LIN52: variants seen among roughly 807,000 people sequenced by gnomAD.
LIN52 encodes the protein protein lin-52 homolog.
Under a neutral mutation model 18.5 loss-of-function variants are expected in LIN52, and 4 were observed. The ratio of observed to expected loss-of-function variants is 0.22; its 90% confidence interval spans 0.11 to 0.49. LIN52 has a LOEUF of 0.49. Ranked by LOEUF, LIN52 falls within the 20% of genes least tolerant of loss-of-function variation. LIN52 has a pLI of 0.97. For synonymous variants in LIN52, 34 were observed against 45.5 expected, an observed-to-expected ratio of 0.75 and a Z score of 1.02; for missense variants, 102 against 139.5, an observed-to-expected ratio of 0.73 and a Z score of 1.35.
chr14:74,166,065 A>G (rs2061248508), intron 5 of LIN52, among the ~76,000 whole-genome samples: 1 of 147,334 alleles, frequency 6.8e-6, no homozygotes, highest in African/African-American at 2.5e-5. Flanking sequence ...CTAATTTTGT[A>G]TTTTTACTGG....
intron 5 of LIN52, among the ~76,000 whole-genome samples, chr14:74,170,571 A>G (rs2061265823): frequency 6.6e-6 from 1 of 152,144 alleles, no homozygotes; most frequent in African/African-American, 2.4e-5. Flanking sequence ...AACTTTATAG[A>G]AGTTGCCTTG....
intron 5 of LIN52, among the ~76,000 whole-genome samples, chr14:74,168,057 G>A (rs1208399394): frequency 2.6e-5 from 4 of 152,214 alleles, no homozygotes; most frequent in African/African-American, 9.6e-5. Flanking sequence ...AAGAAGTACT[G>A]AGTTTCCTAT....
At chr14:74,130,923 AT>A (rs1276580739) in intron 5 of LIN52, among the ~76,000 whole-genome samples, 2 of 151,088 alleles carry the variant, frequency 1.3e-5, no homozygotes, top group Non-Finnish European at 3.0e-5. Flanking sequence ...ACAACCAAAA[AT>A]TTAAACATAA....
At chr14:74,186,961 C>T (rs1474043767) in intron 5 of LIN52, among the ~76,000 whole-genome samples, 1 of 152,134 alleles carries the variant, frequency 6.6e-6, no homozygotes, top group Non-Finnish European at 1.5e-5. Flanking sequence ...TGCCTTTAGT[C>T]TGAGCTACTC....
chr14:74,165,532 A>C (rs1337622095), intron 5 of LIN52, among the ~76,000 whole-genome samples: 1 of 44,344 alleles, frequency 2.3e-5, no homozygotes, highest in Non-Finnish European at 4.2e-5. Context: ...TTTTTTTGAG[A>C]CAGAGTCTCA....
In LIN52 at chr14:74,145,773, TTTTG is replaced by T. The variant is rs375051171; in HGVS notation, c.283+44547_283+44550del. Among the ~76,000 whole-genome samples, 337 of 152,348 alleles carry T rather than the reference TTTTG, an allele frequency of 2.2e-3. 2 individuals carry two copies. The highest frequency in any genetic ancestry group is 7.6e-3 in the African/African-American group (318 of 41,588). Reference sequence around the variant, plus strand: ...ATTTCTGGCACAAAGTGTTTTGTTTTTTTGTTTGTTTGTTTCTCGGCCCTTCTAA... The same window carrying T: ...ATTTCTGGCACAAAGTGTTTTGTTTTTTTGTTTGTTTCTCGGCCCTTCTAA... On this transcript the variant is annotated intron_variant, in intron 5 of 5. Coordinates refer to ENST00000555028, the MANE Select transcript of LIN52 (RefSeq NM_001024674.3).
At chr14:74,178,286 A>T (rs2061302167) in intron 5 of LIN52, among the ~76,000 whole-genome samples, 1 of 152,166 alleles carries the variant, frequency 6.6e-6, no homozygotes, top group East Asian at 1.9e-4. Context: ...GAACTTGAGC[A>T]ATAATGGTTC....
At chr14:74,192,220 C>A (rs1299214083) in intron 5 of LIN52, among the ~76,000 whole-genome samples, 3 of 152,010 alleles carry the variant, frequency 2.0e-5, no homozygotes, top group Admixed American at 1.3e-4. Context: ...CCACGGCTTA[C>A]CATGACTGAC....
intron 5 of LIN52, among the ~76,000 whole-genome samples, chr14:74,175,266 T>G (rs1002734147): frequency 1.3e-5 from 2 of 152,072 alleles, no homozygotes; most frequent in Non-Finnish European, 2.9e-5. Flanking sequence ...CTTTATAAAC[T>G]TCTAATTTTT....
rs539917315 is a variant in LIN52 at position 74,138,465 on chromosome 14, T to A, written c.283+37227T>A. Among the ~76,000 whole-genome samples the A allele has an allele frequency of 1.6e-4, 24 of 152,302 alleles. No individual in the cohort carries two copies. In the South Asian group the frequency reaches 4.8e-3, roughly 30 times the overall value. ...ATTTAGTGTGGAACTGAGATATGCA[T>A]TATAAAACTTCAGTTTTGTTTGCTA... On this transcript the variant is annotated intron_variant, in intron 5 of 5. Coordinates refer to ENST00000555028, the MANE Select transcript of LIN52 (RefSeq NM_001024674.3).
chr14:74,181,813 A>C (rs1176726729), intron 5 of LIN52, among the ~76,000 whole-genome samples: 1 of 152,224 alleles, frequency 6.6e-6, no homozygotes, highest in Non-Finnish European at 1.5e-5. Context: ...TTCTAATCAC[A>C]GGGAAAATAA....
chr14:74,157,630 T>A (rs1158810566), intron 5 of LIN52, among the ~76,000 whole-genome samples: 2 of 151,820 alleles, frequency 1.3e-5, no homozygotes, highest in African/African-American at 4.8e-5. Context: ...CTGGCTCATT[T>A]TTTGATATTT....
chr14:74,163,512 T>C (rs1034813280), intron 5 of LIN52, among the ~76,000 whole-genome samples: 2 of 152,154 alleles, frequency 1.3e-5, no homozygotes, highest in African/African-American at 2.4e-5. Flanking sequence ...AAAACAGTTA[T>C]AATCATGGAA....
At chr14:74,098,526 A>ACC (rs1193867082) in intron 4 of LIN52, among the ~76,000 whole-genome samples, 1 of 151,320 alleles carries the variant, frequency 6.6e-6, no homozygotes, top group African/African-American at 2.4e-5. Context: ...AAAAAAAAAA[A>ACC]AAAGTTAAAA....
intron 5 of LIN52, among the ~76,000 whole-genome samples, chr14:74,113,030 A>C (rs1336046928): frequency 6.6e-6 from 1 of 152,178 alleles, no homozygotes; most frequent in African/African-American, 2.4e-5. Flanking sequence ...GATTCAGAGA[A>C]GGCAATTAGT....
intron 5 of LIN52, among the ~76,000 whole-genome samples, chr14:74,153,101 A>G (rs988351221): frequency 2.0e-5 from 3 of 152,180 alleles, no homozygotes; most frequent in African/African-American, 7.2e-5. Flanking sequence ...AGTGCGTGCA[A>G]TTACTAATTT....
At chr14:74,118,300 G>A (rs1017391326) in intron 5 of LIN52, among the ~76,000 whole-genome samples, 2 of 151,986 alleles carry the variant, frequency 1.3e-5, no homozygotes, top group Non-Finnish European at 2.9e-5. Flanking sequence ...GCTAAAATGA[G>A]AATTCAATCT....
chr14:74,089,434 C>T (rs2060757382), intron 1 of LIN52, among the ~76,000 whole-genome samples: 1 of 149,024 alleles, frequency 6.7e-6, no homozygotes, highest in Non-Finnish European at 1.5e-5. Flanking sequence ...AGTGGTGTGA[C>T]CTTAGCTAAC....
At chr14:74,159,555 T>C (rs1218530080) in intron 5 of LIN52, among the ~76,000 whole-genome samples, 1 of 139,096 alleles carries the variant, frequency 7.2e-6, no homozygotes, top group Non-Finnish European at 1.5e-5. Context: ...AGAGTCCTCA[T>C]ATGTGGGGTT....
Sources: allele counts gnomAD v4.1 joint callset (sites outside exome capture counted in the v4.1 genomes callset), GRCh38; gene constraint gnomAD v4.1.1; transcripts MANE v1.5; gene names NCBI Gene and HGNC (gene_info 2026-07-23, HGNC 2026-07-21).